The following AGMO variants were observed in gnomAD, a reference collection of about 807,000 sequenced individuals.
AGMO encodes glyceryl-ether monooxygenase.
AGMO carries 75 observed loss-of-function variants against 60.2 expected under a neutral mutation model. That is an observed-to-expected ratio of 1.25 (90% confidence interval 1.03 to 1.51). The LOEUF (loss-of-function observed/expected upper bound fraction) is 1.51. AGMO is among the 40% of genes most tolerant of loss of function. AGMO has a pLI of 0.00. For synonymous variants in AGMO, 261 were observed against 177.1 expected, an observed-to-expected ratio of 1.47 and a Z score of -3.76; for missense variants, 763 against 525.5, an observed-to-expected ratio of 1.45 and a Z score of -4.42.
intron 12 of AGMO, among the ~76,000 whole-genome samples, chr7:15,362,098 G>A (rs1264046950): frequency 6.6e-6 from 1 of 152,086 alleles, no homozygotes; most frequent in Non-Finnish European, 1.5e-5. Context: ...AGTCACTGAG[G>A]CCATTTATTA....
intron 3 of AGMO, among the ~76,000 whole-genome samples, chr7:15,438,236 T>C (rs939260422): frequency 6.6e-6 from 1 of 151,724 alleles, no homozygotes; most frequent in Admixed American, 6.6e-5. Context: ...AAATCTAAAT[T>C]ATATTGATAA....
Position 15,387,420 on chromosome 7 carries a change from C to A in AGMO, c.943G>T (p.Glu315Ter), listed in dbSNP as rs1783959933. The change falls in exon 9 of 13, where the codon GAA becomes TAA. Residue 315 changes from glutamate to a stop codon, truncating the protein, a stop_gained. Coordinates refer to ENST00000342526, the MANE Select transcript of AGMO (RefSeq NM_001004320.2). LOFTEE classifies it high-confidence loss of function. ...ACTCTATTTACCTCTGGAATTTCTT[C>A]ACTGAGACCAAGTCTTGGTTTACCT... ...GPGKPRLGLS[E>*]EIPEVTGKEV... is the part of the protein sequence containing the mutation. The A allele has an allele frequency of 1.2e-6, 2 of 1,612,772 alleles. No homozygotes were observed. The highest frequency in any genetic ancestry group is 1.7e-6 in the Non-Finnish European group (2 of 1,179,732).
intron 3 of AGMO, among the ~76,000 whole-genome samples, chr7:15,458,314 G>T (rs1260226704): frequency 6.6e-6 from 1 of 152,110 alleles, no homozygotes; most frequent in Non-Finnish European, 1.5e-5. Flanking sequence ...TGCTGAGAGG[G>T]TATATAAAAA....
At chr7:15,359,291 CA>C (rs398003765) in intron 12 of AGMO, among the ~76,000 whole-genome samples, 126 of 115,082 alleles carry the variant, frequency 1.1e-3, no homozygotes, top group Middle Eastern at 4.9e-3. Context: ...TCCGTCTCAA[CA>C]AAAAAAAAAA....
chr7:15,295,399 A>C (rs917183489), intron 12 of AGMO, among the ~76,000 whole-genome samples: 1 of 152,116 alleles, frequency 6.6e-6, no homozygotes. Flanking sequence ...GCCCTTAAGC[A>C]GGACAGATTG....
chr7:15,302,024 T>A (rs946278663), intron 12 of AGMO, among the ~76,000 whole-genome samples: 3 of 152,192 alleles, frequency 2.0e-5, no homozygotes, highest in African/African-American at 7.2e-5. Context: ...ACTTAAAATA[T>A]GTTAAGTGGA....
At chr7:15,465,850 T>C (rs1012786487) in intron 3 of AGMO, among the ~76,000 whole-genome samples, 4 of 151,982 alleles carry the variant, frequency 2.6e-5, no homozygotes, top group African/African-American at 7.2e-5. Context: ...ACAAAATTAA[T>C]AGTTCAGTCT....
intron 5 of AGMO, among the ~76,000 whole-genome samples, chr7:15,412,600 G>A (rs1486802243): frequency 4.7e-5 from 7 of 150,000 alleles, no homozygotes; most frequent in Non-Finnish European, 8.9e-5. Context: ...TTCAATTGCT[G>A]TCTGGTGCTA....
intron 3 of AGMO, among the ~76,000 whole-genome samples, chr7:15,507,641 A>C (rs114705916): frequency 0.015 from 2,358 of 152,276 alleles, 61 homozygotes; most frequent in African/African-American, 0.053. Context: ...CCTTATTTAA[A>C]AACTAAGCCA....
At chr7:15,396,940 A>G (rs1784413666) in intron 5 of AGMO, among the ~76,000 whole-genome samples, 1 of 152,158 alleles carries the variant, frequency 6.6e-6, no homozygotes, top group Non-Finnish European at 1.5e-5. Flanking sequence ...TCACCTGATT[A>G]GTTAGCGACT....
intron 3 of AGMO, among the ~76,000 whole-genome samples, chr7:15,540,453 C>A (rs6953513): frequency 6.6e-6 from 1 of 151,932 alleles, no homozygotes; most frequent in Non-Finnish European, 1.5e-5. Context: ...GAAAAGAGCA[C>A]GCTGGAAAAT....
intron 12 of AGMO, among the ~76,000 whole-genome samples, chr7:15,276,242 T>G (rs980793489): frequency 2.6e-5 from 4 of 152,184 alleles, no homozygotes; most frequent in Non-Finnish European, 5.9e-5. Context: ...ACAAATACCC[T>G]TAGCATTTGT....
chr7:15,121,620 C>T, the AGMO span, among the ~76,000 whole-genome samples: 2 of 152,038 alleles, frequency 1.3e-5, no homozygotes, highest in Non-Finnish European at 2.9e-5. Flanking sequence ...TAAATGTAGC[C>T]AAGACAATCC....
chr7:15,178,312 A>T, the AGMO span, among the ~76,000 whole-genome samples: 1 of 152,160 alleles, frequency 6.6e-6, no homozygotes, highest in East Asian at 1.9e-4. Context: ...CTGATACAGA[A>T]TTCTAGGTTA....
Position 15,311,180 on chromosome 7 carries a change from T to TA in AGMO, c.1263+54333dup, listed in dbSNP as rs200221692. Among the ~76,000 whole-genome samples the TA allele has an allele frequency of 8.2e-3, 1,243 of 151,518 alleles. 17 individuals carry two copies. The highest frequency in any genetic ancestry group is 0.029 in the African/African-American group (1,183 of 41,326). On this transcript the variant is annotated intron_variant, in intron 12 of 12. Coordinates refer to ENST00000342526, the MANE Select transcript of AGMO (RefSeq NM_001004320.2). Reference sequence around the variant, plus strand: ...AAAAACAAAACCAAAAATGCTAGATTAAAAAAAAATTATCAAAAGCACTGA... The same window carrying TA: ...AAAAACAAAACCAAAAATGCTAGATTAAAAAAAAAATTATCAAAAGCACTGA...
the AGMO span, among the ~76,000 whole-genome samples, chr7:15,160,885 T>C: frequency 6.6e-6 from 1 of 152,144 alleles, no homozygotes; most frequent in Non-Finnish European, 1.5e-5. Flanking sequence ...CAAAAATTTA[T>C]TTCCCACAGT....
At chr7:15,485,604 G>A (rs1011767719) in intron 3 of AGMO, among the ~76,000 whole-genome samples, 1 of 152,142 alleles carries the variant, frequency 6.6e-6, no homozygotes, top group Non-Finnish European at 1.5e-5. Context: ...AAGCATAACA[G>A]AGATTATTTC....
intron 5 of AGMO, among the ~76,000 whole-genome samples, chr7:15,398,124 C>T (rs982476983): frequency 1.3e-5 from 2 of 152,122 alleles, no homozygotes; most frequent in African/African-American, 4.8e-5. Flanking sequence ...CAAAAACAAA[C>T]AACAAATGTG....
intron 3 of AGMO, among the ~76,000 whole-genome samples, chr7:15,517,419 G>C (rs765675655): frequency 1.2e-4 from 18 of 151,450 alleles, no homozygotes; most frequent in Non-Finnish European, 2.2e-4. Context: ...CTCCCAGCGA[G>C]ACCAATGCAG....
Sources: gnomAD v4.1 joint callset for allele counts (sites outside exome capture counted in the v4.1 genomes callset) on GRCh38, gnomAD v4.1.1 for gene constraint, MANE v1.5 for transcripts, NCBI Gene and HGNC (gene_info 2026-07-23, HGNC 2026-07-21) for gene names.